Variants in DPYSL3 observed in about 807,000 individuals in gnomAD.
The protein encoded by DPYSL3 is dihydropyrimidinase-related protein 3.
A neutral mutation model predicts 66.1 loss-of-function variants in DPYSL3; 16 were observed. That is an observed-to-expected ratio of 0.24 (90% CI 0.16 to 0.37). DPYSL3 has a LOEUF of 0.37. Ranked by LOEUF, DPYSL3 falls within the 10% of genes least tolerant of loss-of-function variation. The probability of loss-of-function intolerance (pLI) is 1.00; values close to 1 mark genes in which losing one functional copy is unlikely to be tolerated. For synonymous variants in DPYSL3, 338 were observed against 345.1 expected (o/e 0.98, Z 0.23); for missense variants, 738 against 916.2 (o/e 0.81, Z 2.51).
At chr5:147,439,777 A>T (rs1414585672) in intron 1 of DPYSL3, among the ~76,000 whole-genome samples, 1 of 152,180 alleles carries the variant, frequency 6.6e-6, no homozygotes, top group Non-Finnish European at 1.5e-5. Flanking sequence ...TAAAGGTAGA[A>T]CCAACAAATA....
chr5:147,464,547 G>C (rs1413498764), intron 1 of DPYSL3, among the ~76,000 whole-genome samples: 25 of 152,184 alleles, frequency 1.6e-4, no homozygotes, highest in Admixed American at 1.5e-3. Context: ...TAAGGCTGCT[G>C]TTACACGATA....
intron 6 of DPYSL3, among the ~76,000 whole-genome samples, chr5:147,409,637 C>T (rs1751804573): frequency 6.6e-6 from 1 of 152,138 alleles, no homozygotes. Flanking sequence ...GGGCAGTGAG[C>T]ACACACACAT....
intron 1 of DPYSL3, among the ~76,000 whole-genome samples, chr5:147,495,895 C>G (rs1342249615): frequency 6.6e-5 from 10 of 152,158 alleles, no homozygotes; most frequent in Admixed American, 5.9e-4. Context: ...TTGGAAAAAA[C>G]TACTTTCAAG....
At chr5:147,500,041 A>G (rs1753579554) in intron 1 of DPYSL3, among the ~76,000 whole-genome samples, 1 of 152,214 alleles carries the variant, frequency 6.6e-6, no homozygotes, top group South Asian at 2.1e-4. Flanking sequence ...ATAACTCCAA[A>G]TGGATCATAA....
At chr5:147,477,665 C>T in intron 1 of DPYSL3, among the ~76,000 whole-genome samples, 1 of 145,268 alleles carries the variant, frequency 6.9e-6, no homozygotes, top group African/African-American at 2.5e-5. Context: ...TCACTGCAAG[C>T]TCCGCTTCCC....
chr5:147,395,549 T>C lies in DPYSL3; in HGVS notation c.1966+10A>G, dbSNP rs1205334114. The stretch of plus-strand genomic sequence containing the variant: ...CTTCTCTTATCTTTTGATGAGCCTG[T>C]CCCACTCACCTGACAGGCTAAATCC... On this transcript the variant is annotated intron_variant, in intron 13 of 13. Coordinates refer to ENST00000343218, the MANE Select transcript of DPYSL3 (RefSeq NM_001197294.2). 1.2e-6 allele frequency: 2 copies of C among 1,606,494 alleles called. No individual in the cohort carries two copies. Among genetic ancestry groups the C allele is most frequent in the Non-Finnish European group, 1.7e-6 (2 of 1,176,340 alleles).
chr5:147,474,392 C>T (rs1267202034), intron 1 of DPYSL3, among the ~76,000 whole-genome samples: 1 of 151,998 alleles, frequency 6.6e-6, no homozygotes, highest in Non-Finnish European at 1.5e-5. Flanking sequence ...CAGGCAGAAT[C>T]CTAAGTGCTT....
intron 10 of DPYSL3, among the ~76,000 whole-genome samples, chr5:147,399,933 G>A (rs903456341): frequency 2.0e-5 from 3 of 152,130 alleles, no homozygotes; most frequent in African/African-American, 4.8e-5. Context: ...GCCTCTTTAC[G>A]GAAAGAATTG....
rs77181301 is a variant in DPYSL3, at chr5:147,450,567, T to A, written c.382-25604A>T. On this transcript the variant is annotated intron_variant, in intron 1 of 13. Transcript: ENST00000343218. The stretch of plus-strand genomic sequence containing the variant: ...TCTTGGGAGCTACTCGGGAGAAAGG[T>A]AGCTACTCCGAGCCAACTCCAACAG... Among the ~76,000 whole-genome samples, 649 of 152,126 alleles carry A rather than the reference T, an allele frequency of 4.3e-3. 2 individuals carry two copies. Among genetic ancestry groups the A allele is most frequent in the African/African-American group, 0.015 (615 of 41,482 alleles).
At chr5:147,396,239 G>A (rs1012325484) in intron 12 of DPYSL3, among the ~76,000 whole-genome samples, 10 of 152,292 alleles carry the variant, frequency 6.6e-5, no homozygotes, top group Non-Finnish European at 1.2e-4. Context: ...GCCTTGAAGT[G>A]AGTGTCTGTG....
chr5:147,459,026 A>G (rs1261491459), intron 1 of DPYSL3, among the ~76,000 whole-genome samples: 1 of 143,546 alleles, frequency 7.0e-6, no homozygotes, highest in Non-Finnish European at 1.5e-5. Flanking sequence ...GCCAGGAACT[A>G]TGTCTTATTT....
intron 1 of DPYSL3, among the ~76,000 whole-genome samples, chr5:147,445,365 G>A (rs1260326483): frequency 6.6e-6 from 1 of 152,226 alleles, no homozygotes; most frequent in Admixed American, 6.5e-5. Context: ...TGCCTTAAGA[G>A]TCTGGCCTTA....
At chr5:147,415,933 C>T in intron 3 of DPYSL3, 60 bp from the exon 4 acceptor site, 1 of 1,559,912 alleles carries the variant, frequency 6.4e-7, no homozygotes. Flanking sequence ...CCCCTCTGCC[C>T]AGGCCTGCTC....
At chr5:147,488,739 G>A (rs1753372570) in intron 1 of DPYSL3, among the ~76,000 whole-genome samples, 1 of 152,006 alleles carries the variant, frequency 6.6e-6, no homozygotes. Flanking sequence ...TATTGGCCAG[G>A]AGCAGTGGCT....
intron 1 of DPYSL3, among the ~76,000 whole-genome samples, chr5:147,453,261 C>G (rs1752772127): frequency 6.6e-6 from 1 of 152,242 alleles, no homozygotes; most frequent in Non-Finnish European, 1.5e-5. Flanking sequence ...CCGCGAGCCC[C>G]GCGCTCCTGG....
chr5:147,430,690 T>C (rs1752298436), intron 1 of DPYSL3, among the ~76,000 whole-genome samples: 1 of 152,154 alleles, frequency 6.6e-6, no homozygotes, highest in Non-Finnish European at 1.5e-5. Context: ...AATCTTGAGC[T>C]AAAAGCCTAC....
chr5:147,405,914 C>T (rs1054721701), intron 7 of DPYSL3, 184 bp from the exon 8 acceptor site: 4 of 642,660 alleles, frequency 6.2e-6, no homozygotes. Flanking sequence ...TCACTTTACT[C>T]AGCTTCCCAG....
Position 147,408,789 on chromosome 5 carries a change from G to A in DPYSL3, c.971C>T (p.Thr324Ile). ...AGTTATCCCCATTTCCAACATGCGG[G>A]TTTGCTCCTGAAATGAAAAAAGAAA... ...ENGDIIAQEQTRMLEMGITGP... is the reference protein window; with the variant it reads ...ENGDIIAQEQIRMLEMGITGP... Residue 324 changes from threonine to isoleucine, a missense_variant, in exon 7 of 14, where the codon ACC becomes ATC. Physicochemically the swap from Thr to Ile is moderately conservative, Grantham distance 89. Transcript: ENST00000343218. The A allele has an allele frequency of 1.2e-6, 2 of 1,614,156 alleles. No individual in the cohort carries two copies. Among genetic ancestry groups the A allele is most frequent in the Admixed American group, 1.7e-5 (1 of 60,024 alleles).
chr5:147,488,286 G>A (rs1753365242), intron 1 of DPYSL3, among the ~76,000 whole-genome samples: 1 of 152,204 alleles, frequency 6.6e-6, no homozygotes, highest in Non-Finnish European at 1.5e-5. Context: ...GAAGGAAGAA[G>A]TGAAGAGGGA....
Sources: allele counts gnomAD v4.1 joint callset (sites outside exome capture counted in the v4.1 genomes callset), GRCh38; gene constraint gnomAD v4.1.1; transcripts MANE v1.5; gene names NCBI Gene and HGNC (gene_info 2026-07-23, HGNC 2026-07-21).